CAMTA1: variants seen among roughly 807,000 people sequenced by gnomAD.
CAMTA1 encodes calmodulin binding transcription activator 1.
CAMTA1 carries 27 observed loss-of-function variants against 170.9 expected under a neutral mutation model. That is an observed-to-expected ratio of 0.16 (90% confidence interval 0.12 to 0.22). CAMTA1 has a LOEUF of 0.22. Ranked by LOEUF, CAMTA1 falls within the 10% of genes least tolerant of loss-of-function variation. The pLI is 1.00. For missense variants in CAMTA1, 1,619 were observed against 2,217.2 expected (o/e 0.73, Z 5.42); for synonymous variants, 833 against 891.5 (o/e 0.93, Z 1.17).
chr1:6,940,619 C>T (rs1008697354), intron 3 of CAMTA1, among the ~76,000 whole-genome samples: 4 of 152,128 alleles, frequency 2.6e-5, no homozygotes, highest in Non-Finnish European at 5.9e-5. Context: ...AGGCTAGGGT[C>T]TGTGAATCGT....
intron 10 of CAMTA1, among the ~76,000 whole-genome samples, chr1:7,671,373 A>T (rs2096059218): frequency 6.6e-6 from 1 of 152,216 alleles, no homozygotes; most frequent in Non-Finnish European, 1.5e-5. Flanking sequence ...CCAAAGGGTG[A>T]CTAGAGCTGG....
At chr1:7,358,764 G>T (rs1421602699) in intron 5 of CAMTA1, among the ~76,000 whole-genome samples, 1 of 152,240 alleles carries the variant, frequency 6.6e-6, no homozygotes, top group African/African-American at 2.4e-5. Flanking sequence ...GTCAGGGGAA[G>T]TTGCTGTTTC....
At chr1:7,628,148 G>C (rs2095645870) in intron 6 of CAMTA1, among the ~76,000 whole-genome samples, 1 of 152,178 alleles carries the variant, frequency 6.6e-6, no homozygotes, top group African/African-American at 2.4e-5. Flanking sequence ...TCTCCCCTCA[G>C]CCCTGCTCCT....
At chr1:7,663,144 G>A (rs773573056) in intron 8 of CAMTA1, among the ~76,000 whole-genome samples, 20 of 152,224 alleles carry the variant, frequency 1.3e-4, no homozygotes, top group Non-Finnish European at 2.6e-4. Context: ...TCAAAGGGGC[G>A]TGGGACGGCC....
chr1:6,953,007 ATG>A (rs1688777321), intron 3 of CAMTA1, among the ~76,000 whole-genome samples: 1 of 134,976 alleles, frequency 7.4e-6, no homozygotes, highest in Non-Finnish European at 1.7e-5. Context: ...CCCAGGGCAT[ATG>A]TGTGTTTTGC....
At chr1:7,356,155 G>T (rs1444462461) in intron 5 of CAMTA1, among the ~76,000 whole-genome samples, 5 of 152,356 alleles carry the variant, frequency 3.3e-5, no homozygotes, top group East Asian at 1.9e-4. Context: ...GCTTCAGCAG[G>T]CTTGCTGCTT....
intron 3 of CAMTA1, among the ~76,000 whole-genome samples, chr1:6,939,749 G>T (rs1245611181): frequency 6.6e-6 from 1 of 152,156 alleles, no homozygotes; most frequent in South Asian, 2.1e-4. Context: ...AGCAAACCCC[G>T]GTCACCCTTC....
At chr1:7,344,882 G>C (rs902694896) in intron 5 of CAMTA1, among the ~76,000 whole-genome samples, 1 of 151,090 alleles carries the variant, frequency 6.6e-6, no homozygotes, top group South Asian at 2.1e-4. Flanking sequence ...CAGTAGCTGG[G>C]ACCACAGGCG....
chr1:7,539,749 A>C (rs1249501793), intron 6 of CAMTA1, among the ~76,000 whole-genome samples: 1 of 152,242 alleles, frequency 6.6e-6, no homozygotes, highest in Non-Finnish European at 1.5e-5. Context: ...GCCAGGAATG[A>C]TGAGGGCAGA....
At chr1:6,792,496 C>T (rs1386152971) in intron 1 of CAMTA1, among the ~76,000 whole-genome samples, 2 of 151,744 alleles carry the variant, frequency 1.3e-5, no homozygotes, top group East Asian at 3.9e-4. Flanking sequence ...TACCTCATTA[C>T]CCTGGACTTA....
At chr1:7,698,074 A>ACCC (rs55893283) in intron 11 of CAMTA1, among the ~76,000 whole-genome samples, 25 of 98,630 alleles carry the variant, frequency 2.5e-4, no homozygotes, top group Non-Finnish European at 2.4e-4. Context: ...ACGCACTGTG[A>ACCC]CCCCCCCCCC....
In CAMTA1 at chr1:7,732,448, A is replaced by G; in HGVS notation, c.2915A>G (p.Asp972Gly). 1 of 1,613,602 alleles carries G rather than the reference A, an allele frequency of 6.2e-7. No homozygotes were observed. The highest frequency in any genetic ancestry group is 8.5e-7 in the Non-Finnish European group (1 of 1,179,672). ...CACTCTTCCTCCTGCTCTGCCCTAG[A>G]TAACCAGTTCAGGATGTCCATCCTG... Reference protein sequence around the residue: ...SSQHDWLSLDDNQFRMSILER... With the variant: ...SSQHDWLSLDGNQFRMSILER... Residue 972 changes from aspartate (D) to glycine (G), a missense_variant and splice_region_variant, in exon 12 of 23, where the codon GAT becomes GGT. Asp to Gly is a moderately conservative substitution (Grantham distance 94, BLOSUM62 -1). Around this residue, in one of 8 missense-constraint regions of CAMTA1, gnomAD observed 143 missense variants for 184.2 expected, o/e 0.78. Coordinates refer to ENST00000303635, the MANE Select transcript of CAMTA1 (RefSeq NM_015215.4). This position sits in a 1 kb window ranked among gnomAD's most constrained non-coding sequence, Gnocchi z 4.1.
chr1:7,644,275 C>T (rs2095788425), intron 7 of CAMTA1, among the ~76,000 whole-genome samples: 2 of 152,086 alleles, frequency 1.3e-5, no homozygotes, highest in South Asian at 2.1e-4. Context: ...GCTTCCCTTC[C>T]ACCTGCAATC....
chr1:7,167,483 G>C (rs1342349589), intron 4 of CAMTA1, among the ~76,000 whole-genome samples: 1 of 152,150 alleles, frequency 6.6e-6, no homozygotes, highest in African/African-American at 2.4e-5. Flanking sequence ...CATCAGTTCA[G>C]TTGCTGTAGT....
At chr1:7,284,331 G>T (rs1231905588) in intron 5 of CAMTA1, among the ~76,000 whole-genome samples, 1 of 151,762 alleles carries the variant, frequency 6.6e-6, no homozygotes, top group South Asian at 2.1e-4. Flanking sequence ...AGCCTCCCCA[G>T]TAGCTGAGAC....
intron 5 of CAMTA1, among the ~76,000 whole-genome samples, chr1:7,296,634 A>G (rs1286234562): frequency 6.6e-6 from 1 of 152,180 alleles, no homozygotes; most frequent in African/African-American, 2.4e-5. Flanking sequence ...ATTCCTCAAG[A>G]TAGAAGATGA....
intron 7 of CAMTA1, among the ~76,000 whole-genome samples, chr1:7,654,617 CAA>C (rs1481215860): frequency 1.4e-5 from 2 of 144,638 alleles, no homozygotes; most frequent in East Asian, 4.3e-4. Context: ...CCTATACACA[CAA>C]ACACACCCAT....
rs1286403804 is a variant in CAMTA1 at position 7,275,159 on chromosome 1, AAAAAG to A, written c.438+25536_438+25540del. ...GAGATTCCATCTCAAAAAAAAAAAA[AAAAAG>A]AAGAAAGAAAATATTTTGAAATGAA... On this transcript the variant is annotated intron_variant, in intron 5 of 22. Transcript: ENST00000303635. Among the ~76,000 whole-genome samples the A allele has an allele frequency of 2.0e-5, 3 of 150,960 alleles. 1 individual carries two copies. Among genetic ancestry groups the A allele is most frequent in the South Asian group, 2.1e-4 (1 of 4,810 alleles).
intron 3 of CAMTA1, among the ~76,000 whole-genome samples, chr1:7,057,380 G>A (rs1707511408): frequency 6.6e-6 from 1 of 152,182 alleles, no homozygotes; most frequent in Non-Finnish European, 1.5e-5. Flanking sequence ...CAACTATACA[G>A]GTATTTAAGC....
Sources: gnomAD v4.1 joint callset for allele counts (sites outside exome capture counted in the v4.1 genomes callset) on GRCh38, gnomAD v4.1.1 for gene constraint, gnomAD v4.1.1 regional missense constraint, Gnocchi (gnomAD v3.1) non-coding constraint, MANE v1.5 for transcripts, NCBI Gene and HGNC (gene_info 2026-07-23, HGNC 2026-07-21) for gene names.